Variants in LUZP2 observed in about 807,000 individuals in gnomAD.
The protein encoded by LUZP2 is leucine zipper protein 2.
LUZP2 carries 52 observed loss-of-function variants against 51.6 expected under a neutral mutation model. The ratio of observed to expected loss-of-function variants is 1.01; its 90% CI spans 0.81 to 1.27. LUZP2 has a LOEUF of 1.27. Ranked by LOEUF, LUZP2 falls within the 50% of genes most tolerant of loss-of-function variation. LUZP2 has a pLI of 0.00. For synonymous variants in LUZP2, 154 were observed against 137.3 expected (o/e 1.12, Z -0.85); for missense variants, 436 against 395.4 (o/e 1.10, Z -0.87).
At chr11:24,748,616 C>T (rs916752833) in intron 4 of LUZP2, among the ~76,000 whole-genome samples, 2 of 152,068 alleles carry the variant, frequency 1.3e-5, no homozygotes, top group Non-Finnish European at 2.9e-5. Context: ...CGTGCCACCA[C>T]ACCCAGCTAA....
intron 9 of LUZP2, among the ~76,000 whole-genome samples, chr11:24,991,724 A>C (rs55649322): frequency 6.6e-6 from 1 of 151,896 alleles, no homozygotes; most frequent in Non-Finnish European, 1.5e-5. Context: ...CAACCACACA[A>C]ACATCTATTA....
chr11:24,772,256 T>C (rs995305950), intron 5 of LUZP2, among the ~76,000 whole-genome samples: 4 of 152,232 alleles, frequency 2.6e-5, no homozygotes, highest in Non-Finnish European at 4.4e-5. Context: ...AAACTCACTT[T>C]GGTTCAACTC....
chr11:25,013,747 T>C (rs1038823857), intron 9 of LUZP2, among the ~76,000 whole-genome samples: 2 of 151,446 alleles, frequency 1.3e-5, no homozygotes, highest in Non-Finnish European at 2.9e-5. Context: ...TTTATTTATT[T>C]ATTATTCTTT....
intron 7 of LUZP2, among the ~76,000 whole-genome samples, chr11:24,973,367 T>G (rs199515736): frequency 3.8e-5 from 2 of 52,380 alleles, no homozygotes; most frequent in Non-Finnish European, 8.1e-5. Context: ...TTTATTAGTT[T>G]TTTTTTTTTT....
chr11:24,779,684 T>C (rs1209716265), intron 5 of LUZP2, among the ~76,000 whole-genome samples: 1 of 152,154 alleles, frequency 6.6e-6, no homozygotes, highest in Non-Finnish European at 1.5e-5. Context: ...TCCTGAAACA[T>C]GTCCATGCAA....
At chr11:24,686,671 T>C (rs2133880499) in intron 1 of LUZP2, among the ~76,000 whole-genome samples, 1 of 152,312 alleles carries the variant, frequency 6.6e-6, no homozygotes, top group East Asian at 1.9e-4. Context: ...AGGAGTTTGT[T>C]TTCTCTCATG....
chr11:24,743,012 G>T (rs561599625), intron 4 of LUZP2, among the ~76,000 whole-genome samples: 1 of 152,062 alleles, frequency 6.6e-6, no homozygotes, highest in East Asian at 1.9e-4. Context: ...TTAAGTATTA[G>T]GGTTTATTTC....
chr11:24,712,735 G>A (rs577698570), intron 1 of LUZP2, among the ~76,000 whole-genome samples: 2 of 152,274 alleles, frequency 1.3e-5, no homozygotes, highest in South Asian at 4.1e-4. Flanking sequence ...GCTTAGAAGA[G>A]CCTGACTAAA....
At chr11:25,009,305 T>A (rs938753072) in intron 9 of LUZP2, among the ~76,000 whole-genome samples, 1 of 152,204 alleles carries the variant, frequency 6.6e-6, no homozygotes, top group Non-Finnish European at 1.5e-5. Context: ...AGCAAAAATG[T>A]TGTCATTTTT....
intron 9 of LUZP2, among the ~76,000 whole-genome samples, chr11:25,000,048 A>ATCCATTTTACAGAGTGCGGATTGG (rs1856635133): frequency 6.6e-6 from 1 of 150,794 alleles, no homozygotes; most frequent in African/African-American, 2.4e-5. Flanking sequence ...GCACTGATTG[A>ATCCATTTTACAGAGTGCGGATTGG]TCCATTTTAC....
At chr11:24,958,587 T>C (rs2133874395) in intron 7 of LUZP2, among the ~76,000 whole-genome samples, 2 of 152,196 alleles carry the variant, frequency 1.3e-5, no homozygotes, top group Middle Eastern at 3.4e-3. Context: ...TTCACCCACT[T>C]TTTGATGGGG....
intron 1 of LUZP2, among the ~76,000 whole-genome samples, chr11:24,557,910 G>A (rs1444990657): frequency 1.3e-5 from 2 of 152,024 alleles, no homozygotes; most frequent in African/African-American, 4.8e-5. Flanking sequence ...GAAAACCCAG[G>A]GGATTTGGCA....
At chr11:24,723,111 C>T (rs1274022089) in intron 1 of LUZP2, among the ~76,000 whole-genome samples, 3 of 152,038 alleles carry the variant, frequency 2.0e-5, no homozygotes, top group African/African-American at 7.2e-5. Context: ...ATATAAAAAT[C>T]ACCTTTAGTA....
chr11:24,642,648 C>G (rs1855329667), intron 1 of LUZP2, among the ~76,000 whole-genome samples: 1 of 151,854 alleles, frequency 6.6e-6, no homozygotes, highest in South Asian at 2.1e-4. Flanking sequence ...AAAAATTATT[C>G]TGCCATTTCT....
intron 7 of LUZP2, among the ~76,000 whole-genome samples, chr11:24,932,980 C>T (rs1006837363): frequency 6.6e-6 from 1 of 152,128 alleles, no homozygotes; most frequent in African/African-American, 2.4e-5. Context: ...ACTGAATGTG[C>T]CCACAGGGCT....
At chr11:24,622,318 G>C (rs374736217) in intron 1 of LUZP2, among the ~76,000 whole-genome samples, 5 of 149,968 alleles carry the variant, frequency 3.3e-5, no homozygotes, top group Admixed American at 6.7e-5. Context: ...GTGATGTTCC[G>C]CTTCCTGTGT....
intron 1 of LUZP2, among the ~76,000 whole-genome samples, chr11:24,601,908 ATATG>A (rs1853659585): frequency 1.6e-5 from 2 of 121,960 alleles, no homozygotes; most frequent in East Asian, 4.1e-4. Flanking sequence ...ATATATGTAT[ATATG>A]TATATATGTA....
At chr11:24,590,673 A>G (rs370904058) in intron 1 of LUZP2, among the ~76,000 whole-genome samples, 3 of 152,330 alleles carry the variant, frequency 2.0e-5, no homozygotes, top group African/African-American at 7.2e-5. Context: ...TTAATACTAA[A>G]TGTAGCTATC....
rs577042961 is a variant in LUZP2 at position 24,645,089 on chromosome 11, A to G, written c.63-84080A>G. 8.6e-4 allele frequency among the ~76,000 whole-genome samples: 131 copies of G among 152,162 alleles called. 6 individuals carry two copies. The highest frequency in any genetic ancestry group is 1.8e-4 in the Non-Finnish European group (12 of 68,036). ...TCCAATCCTGTTTACGTAAAATATTAGTTATTGTGCAGCCTTCTGGCATTG... is the reference window on the plus strand; with the variant it reads ...TCCAATCCTGTTTACGTAAAATATTGGTTATTGTGCAGCCTTCTGGCATTG... On this transcript the variant is annotated intron_variant, in intron 1 of 11. Coordinates refer to ENST00000336930, the MANE Select transcript of LUZP2 (RefSeq NM_001009909.4).
Sources: allele counts gnomAD v4.1 joint callset (sites outside exome capture counted in the v4.1 genomes callset), GRCh38; gene constraint gnomAD v4.1.1; transcripts MANE v1.5; gene names NCBI Gene and HGNC (gene_info 2026-07-23, HGNC 2026-07-21).